VWC2L: variants seen among roughly 807,000 people sequenced by gnomAD.
The protein encoded by VWC2L is von Willebrand factor C domain-containing protein 2-like.
VWC2L carries 10 observed loss-of-function variants against 21.6 expected under a neutral mutation model. The ratio of observed to expected loss-of-function variants is 0.46; its 90% confidence interval spans 0.29 to 0.78. The LOEUF (loss-of-function observed/expected upper bound fraction) is 0.78, where lower values mean the gene tolerates loss of function less well. VWC2L is among the 30% of genes least tolerant of loss of function. VWC2L has a pLI of 0.10. For missense variants in VWC2L, 209 were observed against 277.1 expected, an observed-to-expected ratio of 0.75 and a Z score of 1.74; for synonymous variants, 96 against 94.3, an observed-to-expected ratio of 1.02 and a Z score of -0.10.
At chr2:214,515,576 C>T (rs570098519) in intron 3 of VWC2L, among the ~76,000 whole-genome samples, 42 of 152,198 alleles carry the variant, frequency 2.8e-4, no homozygotes, top group Middle Eastern at 3.4e-3. Context: ...ATTTTTGAGA[C>T]GGAGTCTCGC....
In VWC2L at chr2:214,575,949, G is replaced by C; in HGVS notation, c.*129G>C. On this transcript the variant is annotated 3_prime_UTR_variant, in exon 4 of 4. Coordinates refer to ENST00000312504, the MANE Select transcript of VWC2L (RefSeq NM_001080500.4). The stretch of plus-strand genomic sequence containing the variant: ...ACAGGGTCACCAGCAAAACTTTCTA[G>C]GGTTGACAAAAGTGAATATTTTCCT... The C allele has an allele frequency of 9.2e-7, 1 of 1,082,074 alleles. No homozygotes were observed. The allele number at this position is 1,082,074 out of a possible 1,614,324, so 67.0% of individuals were successfully genotyped here.
chr2:214,531,295 CCAGA>C (rs532067155), intron 3 of VWC2L, among the ~76,000 whole-genome samples: 1 of 152,034 alleles, frequency 6.6e-6, no homozygotes, highest in South Asian at 2.1e-4. Flanking sequence ...CTGTGTTAGT[CCAGA>C]CAAATTTTTC....
At chr2:214,557,815 T>C (rs948713347) in intron 3 of VWC2L, among the ~76,000 whole-genome samples, 1 of 152,198 alleles carries the variant, frequency 6.6e-6, no homozygotes, top group African/African-American at 2.4e-5. Flanking sequence ...TTCTGCTGTC[T>C]CAGGTACTCT....
chr2:214,546,526 T>G (rs1224265726), intron 3 of VWC2L, among the ~76,000 whole-genome samples: 1 of 152,172 alleles, frequency 6.6e-6, no homozygotes, highest in African/African-American at 2.4e-5. Context: ...TGCCAGAGAT[T>G]GTTAGTTTCA....
At chr2:214,567,585 CACACACACACAGAG>C (rs1381081582) in intron 3 of VWC2L, among the ~76,000 whole-genome samples, 11 of 111,624 alleles carry the variant, frequency 9.9e-5, no homozygotes, top group South Asian at 3.0e-4. Flanking sequence ...CACACACACA[CACACACACACAGAG>C]AGAGAGAGAG....
intron 3 of VWC2L, among the ~76,000 whole-genome samples, chr2:214,531,017 A>G (rs1689424909): frequency 6.6e-6 from 1 of 152,208 alleles, no homozygotes; most frequent in African/African-American, 2.4e-5. Flanking sequence ...AGTAATTTGA[A>G]TGTTTCCTGA....
intron 2 of VWC2L, among the ~76,000 whole-genome samples, chr2:214,417,319 A>G (rs541686474): frequency 6.6e-6 from 1 of 152,044 alleles, no homozygotes; most frequent in East Asian, 1.9e-4. Context: ...TGCTCACAAG[A>G]AAGACATGAT....
chr2:214,501,168 A>G (rs1479877263), intron 3 of VWC2L, among the ~76,000 whole-genome samples: 1 of 152,184 alleles, frequency 6.6e-6, no homozygotes, highest in Admixed American at 6.5e-5. Context: ...TACTTTTTCT[A>G]TAGAACAAGT....
At chr2:214,561,784 TTA>T (rs67223012) in intron 3 of VWC2L, among the ~76,000 whole-genome samples, 3 of 128,682 alleles carry the variant, frequency 2.3e-5, no homozygotes, top group East Asian at 4.2e-4. Context: ...TCAAAAAAAA[TTA>T]TATATATATA....
intron 2 of VWC2L, among the ~76,000 whole-genome samples, chr2:214,425,513 GATTA>G (rs1348665649): frequency 6.6e-6 from 1 of 151,954 alleles, no homozygotes; most frequent in Non-Finnish European, 1.5e-5. Context: ...AACAGATAAA[GATTA>G]ATTTTTTATC....
At chr2:214,420,146 A>T (rs567928919) in intron 2 of VWC2L, among the ~76,000 whole-genome samples, 1 of 152,286 alleles carries the variant, frequency 6.6e-6, no homozygotes, top group South Asian at 2.1e-4. Context: ...TTGGATTTAG[A>T]ATTGATTTGC....
intron 3 of VWC2L, among the ~76,000 whole-genome samples, chr2:214,567,589 C>G (rs370164176): frequency 0.7 from 93,567 of 134,362 alleles, 32,911 homozygotes; most frequent in East Asian, 0.82. Context: ...CACACACACA[C>G]ACACACAGAG....
chr2:214,543,678 G>A (rs901129569), intron 3 of VWC2L, among the ~76,000 whole-genome samples: 1 of 151,874 alleles, frequency 6.6e-6, no homozygotes, highest in Non-Finnish European at 1.5e-5. Context: ...ACTAAGAGAG[G>A]AAAATGAAGA....
intron 3 of VWC2L, among the ~76,000 whole-genome samples, chr2:214,481,782 T>C (rs1172708837): frequency 2.0e-5 from 3 of 152,240 alleles, no homozygotes; most frequent in Non-Finnish European, 4.4e-5. Context: ...TATGATAGCA[T>C]TGATCCCATC....
chr2:214,432,036 G>A (rs532835305), intron 2 of VWC2L, among the ~76,000 whole-genome samples: 13 of 152,132 alleles, frequency 8.5e-5, no homozygotes, highest in East Asian at 3.9e-4. Flanking sequence ...ACTCACAGTC[G>A]GAAACCTTTT....
At chr2:214,477,202 A>G (rs1688537737) in intron 3 of VWC2L, among the ~76,000 whole-genome samples, 1 of 152,212 alleles carries the variant, frequency 6.6e-6, no homozygotes, top group Non-Finnish European at 1.5e-5. Context: ...ATTCATGTGA[A>G]CACTTCACTC....
rs74601250 is a variant in VWC2L at position 214,537,485 on chromosome 2, A to G, written c.521-38187A>G. ...AAATCTATAACAATCAAATTCATAGAAGCAGAGAGTGGAATGGTGGTTACT... is the reference window on the plus strand; with the variant it reads ...AAATCTATAACAATCAAATTCATAGGAGCAGAGAGTGGAATGGTGGTTACT... On this transcript the variant is annotated intron_variant, in intron 3 of 3. Transcript: ENST00000312504. 4.0e-4 allele frequency among the ~76,000 whole-genome samples: 61 copies of G among 152,096 alleles called. 1 individual carries two copies. The East Asian group carries it at 0.011, about 27-fold the overall frequency.
chr2:214,499,082 A>G (rs1009710754), intron 3 of VWC2L, among the ~76,000 whole-genome samples: 5 of 136,614 alleles, frequency 3.7e-5, no homozygotes, highest in African/African-American at 1.4e-4. Flanking sequence ...GCAGTGGCCC[A>G]ATCTCAGCTC....
Position 214,427,787 on chromosome 2 carries a change from T to C in VWC2L, c.391-8842T>C, listed in dbSNP as rs185107185. ...TCTCCCATACACTTTAAACTATTTC[T>C]AGATTACTTATAATTTCAAATACAA... On this transcript the variant is annotated intron_variant, in intron 2 of 3. Transcript: ENST00000312504. Among the ~76,000 whole-genome samples, 417 of 152,358 alleles carry C rather than the reference T, an allele frequency of 2.7e-3. 1 individual carries two copies. The highest frequency in any genetic ancestry group is 3.9e-3 in the Non-Finnish European group (266 of 68,022).
Sources: gnomAD v4.1 joint callset for allele counts (sites outside exome capture counted in the v4.1 genomes callset) on GRCh38, gnomAD v4.1.1 for gene constraint, MANE v1.5 for transcripts, NCBI Gene and HGNC (gene_info 2026-07-23, HGNC 2026-07-21) for gene names.